Variants in EIF2AK1 observed in about 807,000 individuals in gnomAD.
EIF2AK1 encodes eukaryotic translation initiation factor 2-alpha kinase 1.
EIF2AK1 carries 54 observed loss-of-function variants against 77.9 expected under a neutral mutation model. The observed-to-expected ratio is 0.69, with a 90% CI of 0.56 to 0.87. The LOEUF is 0.87. EIF2AK1 is among the 40% of genes least tolerant of loss of function. The pLI is 0.00. For synonymous variants in EIF2AK1, 314 were observed against 290.5 expected (o/e 1.08, Z -0.82); for missense variants, 810 against 768.6 (o/e 1.05, Z -0.64).
At chr7:6,056,982 T>C (rs779656594) in intron 1 of EIF2AK1, among the ~76,000 whole-genome samples, 1 of 152,062 alleles carries the variant, frequency 6.6e-6, no homozygotes, top group African/African-American at 2.4e-5. Flanking sequence ...CTGCTTTTGT[T>C]TCTCTTTCTG....
In EIF2AK1 at chr7:6,040,971, C is replaced by G. The variant is rs140364200; in HGVS notation, c.1040G>C (p.Arg347Pro). Residue 347 changes from arginine to proline, a missense_variant, in exon 9 of 15, where the codon CGT becomes CCT. Transcript: ENST00000199389. ...GAAACTCTCCTCTAGGTGGGAATTA[C>G]GCCTGAGTGGCAGCTGCTGTTCCAC... ...SIVEQQLPLR[R>P]NSHLEESFTS... 5.6e-6 allele frequency: 9 copies of G among 1,614,170 alleles called. No individual in the cohort carries two copies. The highest frequency in any genetic ancestry group is 1.3e-5 in the African/African-American group (1 of 75,022).
chr7:6,059,011 G>C lies in EIF2AK1; in HGVS notation c.73C>G (p.Pro25Ala). 6.5e-7 allele frequency: 1 copy of C among 1,540,888 alleles called. No homozygotes were observed. The highest frequency in any genetic ancestry group is 8.7e-7 in the Non-Finnish European group (1 of 1,148,008). The change falls in exon 1 of 15, where the codon CCG becomes GCG. Residue 25 changes from proline (P) to alanine (A), a missense_variant. Around this residue, in one of 3 missense-constraint regions of EIF2AK1, gnomAD observed 246 missense variants for 199.0 expected, o/e 1.24. Coordinates refer to ENST00000199389, the MANE Select transcript of EIF2AK1 (RefSeq NM_014413.4). Reference protein sequence around the residue: ...GDGAGAVAAPPAIDFPAEGPD... With the variant: ...GDGAGAVAAPAAIDFPAEGPD... ...CCCTCGGCGGGAAAGTCGATGGCCG[G>C]CGGCGCAGCCACAGCCCCAGCCCCG...
At chr7:6,043,627 C>A (rs1262198180) in intron 7 of EIF2AK1, among the ~76,000 whole-genome samples, 1 of 151,368 alleles carries the variant, frequency 6.6e-6, no homozygotes, top group Non-Finnish European at 1.5e-5. Flanking sequence ...TGGGGTTTCA[C>A]CATATTGGCC....
chr7:6,045,144 G>C (rs939111550), intron 6 of EIF2AK1, among the ~76,000 whole-genome samples: 1 of 148,882 alleles, frequency 6.7e-6, no homozygotes, highest in South Asian at 2.1e-4. Context: ...GTCTCACTCT[G>C]TTGCCCAGGC....
At chr7:6,049,841 C>A in intron 3 of EIF2AK1, 71 bp downstream of exon 3, 1 of 1,416,230 alleles carries the variant, frequency 7.1e-7, no homozygotes. Context: ...TTTCACAGTG[C>A]TTTAAAATAT....
At chr7:6,044,886 T>C (rs1288724254) in intron 6 of EIF2AK1, among the ~76,000 whole-genome samples, 2 of 152,208 alleles carry the variant, frequency 1.3e-5, no homozygotes, top group Non-Finnish European at 2.9e-5. Context: ...TGCTAGATGA[T>C]TCTGTCCAAC....
chr7:6,038,259 GTC>G (rs1482816214), intron 10 of EIF2AK1, among the ~76,000 whole-genome samples: 1 of 152,016 alleles, frequency 6.6e-6, no homozygotes, highest in African/African-American at 2.4e-5. Flanking sequence ...ATGAGACCCT[GTC>G]TCTACAAAAT....
chr7:6,054,401 G>C lies in EIF2AK1; in HGVS notation c.277+145C>G, dbSNP rs554424986. 9.2e-5 allele frequency: 74 copies of C among 800,170 alleles called. No individual in the cohort carries two copies. In the African/African-American group the frequency reaches 1.0e-3, roughly 11 times the overall value. The allele number at this position is 800,170 out of a possible 1,614,324, so 49.6% of individuals were successfully genotyped here. ...ATATTTTGAGTAAAGAGGGGGTTTC[G>C]TCATGTTAGCCAAACCGATCTCGAT... On this transcript the variant is annotated intron_variant, in intron 2 of 14. Coordinates refer to ENST00000199389, the MANE Select transcript of EIF2AK1 (RefSeq NM_014413.4).
Position 6,035,754 on chromosome 7 carries a change from G to A in EIF2AK1, c.1332+1670C>T, listed in dbSNP as rs375041428. ...CAGCATGACACCCCTTCACATGGCC[G>A]CAAACATGCTGAATAAGGAGATGAT... On this transcript the variant is annotated intron_variant, in intron 11 of 14. Coordinates refer to ENST00000199389, the MANE Select transcript of EIF2AK1 (RefSeq NM_014413.4). The surrounding 1 kb of genome is among the most constrained non-coding windows in gnomAD (Gnocchi z 5.5). 7 of 1,550,916 alleles carry A rather than the reference G, an allele frequency of 4.5e-6. No individual in the cohort carries two copies. The highest frequency in any genetic ancestry group is 2.7e-5 in the African/African-American group (2 of 73,026).
chr7:6,041,071 T>C lies in EIF2AK1; in HGVS notation c.940A>G (p.Arg314Gly), dbSNP rs1788282835. Residue 314 changes from arginine to glycine, a missense_variant, in exon 9 of 15, where the codon AGA becomes GGA. Around this residue, in one of 3 missense-constraint regions of EIF2AK1, gnomAD observed 549 missense variants for 533.7 expected, o/e 1.03. Transcript: ENST00000199389. ...SVKYTTNLVI[R>G]ESGELESTLE... ...GTCGACTCAAGTTCACCAGATTCTC[T>C]TATGACTAAATTGGTGGTGTACTTC... is the stretch of plus-strand genomic sequence containing the variant. 8.7e-6 allele frequency: 14 copies of C among 1,614,118 alleles called. No individual in the cohort carries two copies. The highest frequency in any genetic ancestry group is 1.2e-5 in the Non-Finnish European group (14 of 1,179,998).
At chr7:6,028,856 C>G in intron 12 of EIF2AK1, 62 bp downstream of exon 12, 1 of 1,469,126 alleles carries the variant, frequency 6.8e-7, no homozygotes, top group Non-Finnish European at 9.4e-7. Context: ...TCTTTAAATA[C>G]TAACATGTGC....
In EIF2AK1 at chr7:6,024,336, G is replaced by C; in HGVS notation, c.*337C>G. 1 of 1,223,946 alleles carries C rather than the reference G, an allele frequency of 8.2e-7. No homozygotes were observed. The highest frequency in any genetic ancestry group is 1.0e-6 in the Non-Finnish European group (1 of 968,224). 75.8% of individuals were successfully genotyped at this position (1,223,946 alleles called of 1,614,324 possible). A position where few individuals can be genotyped will look rare whatever the true frequency, so the allele number is the denominator to read the frequency against. ...GTGAGTATGTGCAGGCCCGGGCTTG[G>C]GCAGTGACGAGGGCAGGGAGCACAC... On this transcript the variant is annotated 3_prime_UTR_variant, in exon 15 of 15. Coordinates refer to ENST00000199389, the MANE Select transcript of EIF2AK1 (RefSeq NM_014413.4).
rs114898004 is a variant in EIF2AK1, at chr7:6,040,909, A to C, written c.1102T>G (p.Phe368Val). The C allele has an allele frequency of 1.4e-3, 2,198 of 1,614,110 alleles. 27 individuals carry two copies. In the African/African-American group the frequency reaches 0.027, roughly 20 times the overall value. ...TEESSEENVN[F>V]LGQTEAQYHL... is the part of the protein sequence containing the mutation. ...TAATCTACCTCTGTCTGACCCAAAAAGTTGACATTTTCTTCGGAAGATTCT... is the reference window on the plus strand; with the variant it reads ...TAATCTACCTCTGTCTGACCCAAAACGTTGACATTTTCTTCGGAAGATTCT... Residue 368 changes from phenylalanine to valine, a missense_variant, in exon 9 of 15, where the codon TTT becomes GTT. Phe to Val is a conservative substitution (Grantham distance 50). Transcript: ENST00000199389.
Position 6,036,282 on chromosome 7 carries a change from A to T in EIF2AK1, c.1332+1142T>A, listed in dbSNP as rs918880445. ...ACAGGGTATCTGCAAAAGAAACATC[A>T]GGAATATTTATGGTGAGAAATACAA... On this transcript the variant is annotated intron_variant, in intron 11 of 14. Coordinates refer to ENST00000199389, the MANE Select transcript of EIF2AK1 (RefSeq NM_014413.4). The surrounding 1 kb of genome is among the most constrained non-coding windows in gnomAD (Gnocchi z 4.6). 6.5e-7 allele frequency: 1 copy of T among 1,549,386 alleles called. No homozygotes were observed. Among genetic ancestry groups the T allele is most frequent in the Non-Finnish European group, 8.7e-7 (1 of 1,146,778 alleles).
chr7:6,039,505 C>T (rs567692346), intron 9 of EIF2AK1, among the ~76,000 whole-genome samples: 3 of 151,788 alleles, frequency 2.0e-5, no homozygotes, highest in Admixed American at 2.0e-4. Flanking sequence ...GCCTGTAATC[C>T]CACTACTCAG....
chr7:6,029,118 C>G (rs1454454205), intron 11 of EIF2AK1, 86 bp from the exon 12 acceptor site: 1 of 1,094,736 alleles, frequency 9.1e-7, no homozygotes, highest in Non-Finnish European at 1.3e-6. Flanking sequence ...GTTTGGAACT[C>G]AGGAGCAAGC....
At chr7:6,048,947 A>G in intron 3 of EIF2AK1, 103 bp from the exon 4 acceptor site, 1 of 719,004 alleles carries the variant, frequency 1.4e-6, no homozygotes, top group Non-Finnish European at 2.3e-6. Context: ...ATGCATAAAC[A>G]ATATTTTAAA....
rs747742165 is a variant in EIF2AK1 at position 6,023,442 on chromosome 7, T to C, written c.*1231A>G. 6.2e-7 allele frequency: 1 copy of C among 1,614,172 alleles called. No homozygotes were observed. The highest frequency in any genetic ancestry group is 8.5e-7 in the Non-Finnish European group (1 of 1,180,008). On this transcript the variant is annotated 3_prime_UTR_variant, in exon 15 of 15. Transcript: ENST00000199389. ...CAACCCTTATAGATAGCTGGGTAGA[T>C]ATTGCGATTTTTCAGTTAAAAGAGG...
chr7:6,056,045 C>A (rs1177859885), intron 1 of EIF2AK1, among the ~76,000 whole-genome samples: 2 of 144,442 alleles, frequency 1.4e-5, no homozygotes, highest in Admixed American at 7.1e-5. Flanking sequence ...GTAATTCCAG[C>A]ACTTAGAGAG....
Sources: allele counts gnomAD v4.1 joint callset (sites outside exome capture counted in the v4.1 genomes callset), GRCh38; gene constraint gnomAD v4.1.1; regional missense constraint gnomAD v4.1.1; non-coding constraint Gnocchi (gnomAD v3.1); transcripts MANE v1.5; gene names NCBI Gene and HGNC (gene_info 2026-07-23, HGNC 2026-07-21).